Variants in KCNG3 observed in about 807,000 individuals in gnomAD.
KCNG3 encodes the protein voltage-gated potassium channel regulatory subunit KCNG3.
A neutral mutation model predicts 29.0 loss-of-function variants in KCNG3; 15 were observed. That is an observed-to-expected ratio of 0.52 (90% confidence interval 0.35 to 0.80). The LOEUF (loss-of-function observed/expected upper bound fraction) is 0.80, where lower values mean the gene tolerates loss of function less well. KCNG3 is among the 30% of genes least tolerant of loss of function. The probability of loss-of-function intolerance (pLI) is 0.01; values close to 1 mark genes in which losing one functional copy is unlikely to be tolerated. For missense variants in KCNG3, 512 were observed against 605.7 expected, an observed-to-expected ratio of 0.85 and a Z score of 1.62; for synonymous variants, 322 against 248.9, an observed-to-expected ratio of 1.29 and a Z score of -2.76.
chr2:42,481,421 C>G (rs1390570753), intron 1 of KCNG3, among the ~76,000 whole-genome samples: 1 of 152,140 alleles, frequency 6.6e-6, no homozygotes, highest in Non-Finnish European at 1.5e-5. Flanking sequence ...AAGAAACCCA[C>G]CCTGCATCTC....
At chr2:42,462,508 C>A (rs190554136) in intron 1 of KCNG3, among the ~76,000 whole-genome samples, 1 of 152,140 alleles carries the variant, frequency 6.6e-6, no homozygotes, top group Non-Finnish European at 1.5e-5. Flanking sequence ...ATGGTTAAAC[C>A]CCGTCTCTAC....
the KCNG3 span, among the ~76,000 whole-genome samples, chr2:42,389,678 C>T: frequency 6.6e-6 from 1 of 152,176 alleles, no homozygotes; most frequent in Non-Finnish European, 1.5e-5. Context: ...GACCATTGTG[C>T]ATTTGTCAAA....
In KCNG3 at chr2:42,464,101, G is replaced by C. The variant is rs544864213; in HGVS notation, c.666-19522C>G. The C allele has an allele frequency of 9.3e-4, 194 of 208,892 alleles. 2 individuals carry two copies. The highest frequency in any genetic ancestry group is 5.7e-3 in the Middle Eastern group (3 of 530). 12.9% of individuals were successfully genotyped at this position (208,892 alleles called of 1,614,324 possible). ...AAATGACATTTTGAAAAGCGAGGTA[G>C]TTCATTCTGATATCATTATTTGCTA... On this transcript the variant is annotated intron_variant, in intron 1 of 1. Coordinates refer to ENST00000306078, the MANE Select transcript of KCNG3 (RefSeq NM_133329.6).
chr2:42,449,844 C>A (rs77235445), intron 1 of KCNG3, among the ~76,000 whole-genome samples: 1,697 of 152,200 alleles, frequency 0.011, 25 homozygotes, highest in Non-Finnish European at 0.014. Context: ...TGCAGGAGCA[C>A]GCAGCAGTGA....
the KCNG3 span, among the ~76,000 whole-genome samples, chr2:42,408,980 C>T: frequency 6.6e-6 from 1 of 152,118 alleles, no homozygotes; most frequent in Non-Finnish European, 1.5e-5. Context: ...TGTGGTGGTA[C>T]CTGGTCCGGC....
the KCNG3 span, among the ~76,000 whole-genome samples, chr2:42,398,265 A>AAATAAAAT: frequency 5.1e-5 from 7 of 138,534 alleles, no homozygotes; most frequent in Non-Finnish European, 1.1e-4. Context: ...ATAAATAAAT[A>AAATAAAAT]AAATAAAATA....
At chr2:42,458,772 G>A (rs558162579) in intron 1 of KCNG3, among the ~76,000 whole-genome samples, 3 of 148,674 alleles carry the variant, frequency 2.0e-5, no homozygotes, top group East Asian at 4.0e-4. Context: ...TCAGAAAGAA[G>A]CAACATAGGA....
At position 42,444,309 on chromosome 2, in the gene KCNG3, G is replaced by A. The variant is rs138356596; in HGVS notation, c.936C>T (p.Leu312=). Reference sequence around the variant, plus strand: ...GGTAGCAACGTTTGAGAGTCAAACCGAGTGTCTGAAGACCAATGAAGTGAC... The same window carrying A: ...GGTAGCAACGTTTGAGAGTCAAACCAAGTGTCTGAAGACCAATGAAGTGAC... ...LARHFIGLQT[L]GLTLKRCYRE... is the part of the protein sequence containing the mutation. The change falls in exon 2 of 2, where the codon CTC becomes CTT. Residue 312 remains leucine (L), a synonymous_variant. Transcript: ENST00000306078. This position sits in a 1 kb window ranked among gnomAD's most constrained non-coding sequence, Gnocchi z 5.8. 162 of 1,614,200 alleles carry A rather than the reference G, an allele frequency of 1.0e-4. 1 individual carries two copies. In the African/African-American group the frequency reaches 1.9e-3, roughly 19 times the overall value.
Position 42,493,127 on chromosome 2 carries a change from G to T in KCNG3, c.375C>A (p.Thr125=). The change falls in exon 1 of 2, where the codon ACC becomes ACA. Residue 125 remains threonine (T), a synonymous_variant. Coordinates refer to ENST00000306078, the MANE Select transcript of KCNG3 (RefSeq NM_133329.6). ...RLDDRMSDTY[T]FYSADEPGVL... Reference sequence around the variant, plus strand: ...CGCCCGGCTCGTCGGCCGAGTAGAAGGTGTAGGTGTCGGACATGCGGTCGT... The same window carrying T: ...CGCCCGGCTCGTCGGCCGAGTAGAATGTGTAGGTGTCGGACATGCGGTCGT... The T allele has an allele frequency of 6.2e-7, 1 of 1,602,686 alleles. No individual in the cohort carries two copies.
intron 1 of KCNG3, among the ~76,000 whole-genome samples, chr2:42,453,875 T>C (rs1435041705): frequency 6.6e-6 from 1 of 152,208 alleles, no homozygotes; most frequent in Non-Finnish European, 1.5e-5. Context: ...CAGTTTGATT[T>C]GATTTTTTTA....
chr2:42,420,084 C>A, the KCNG3 span, among the ~76,000 whole-genome samples: 1 of 152,060 alleles, frequency 6.6e-6, no homozygotes, highest in South Asian at 2.1e-4. Flanking sequence ...ATTAGCCGGG[C>A]ATGGTGGCGG....
At chr2:42,466,883 G>C (rs920761990) in intron 1 of KCNG3, among the ~76,000 whole-genome samples, 1 of 151,440 alleles carries the variant, frequency 6.6e-6, no homozygotes, top group Admixed American at 6.6e-5. Flanking sequence ...CTCCCTAGTA[G>C]CTGGGATTAC....
At chr2:42,466,639 T>C (rs1310930255) in intron 1 of KCNG3, among the ~76,000 whole-genome samples, 3 of 152,072 alleles carry the variant, frequency 2.0e-5, no homozygotes, top group African/African-American at 7.2e-5. Flanking sequence ...TCTCCGGTCG[T>C]TATGCGACAC....
At chr2:42,389,508 T>G in the KCNG3 span, among the ~76,000 whole-genome samples, 14 of 152,342 alleles carry the variant, frequency 9.2e-5, no homozygotes, top group South Asian at 2.9e-3. Context: ...TTGGACCCAT[T>G]TATGCTCCCA....
the KCNG3 span, among the ~76,000 whole-genome samples, chr2:42,396,210 C>A: frequency 6.6e-6 from 1 of 152,086 alleles, no homozygotes; most frequent in African/African-American, 2.4e-5. Flanking sequence ...TGCATCATTG[C>A]AAATTCAAAA....
At chr2:42,426,793 G>A in the KCNG3 span, among the ~76,000 whole-genome samples, 2 of 152,194 alleles carry the variant, frequency 1.3e-5, no homozygotes, top group Admixed American at 6.5e-5. Flanking sequence ...GGAAAGAACA[G>A]TAACTGAAAA....
chr2:42,441,191 G>C (rs1672472842), downstream of KCNG3, among the ~76,000 whole-genome samples: 1 of 151,166 alleles, frequency 6.6e-6, no homozygotes, highest in South Asian at 2.1e-4. Context: ...GGCAAGCCTG[G>C]GCAACACAGT....
At chr2:42,441,169 C>T (rs148236679), downstream of KCNG3, among the ~76,000 whole-genome samples, 192 of 152,120 alleles carry the variant, frequency 1.3e-3, no homozygotes, top group East Asian at 9.1e-3. Context: ...CTGCTTGAGG[C>T]CAGGAGTTTG....
intron 1 of KCNG3, among the ~76,000 whole-genome samples, chr2:42,471,443 T>C (rs564758020): frequency 4.6e-5 from 7 of 152,020 alleles, no homozygotes; most frequent in Admixed American, 2.6e-4. Flanking sequence ...ATGTCCAGAA[T>C]AGGCAAATCC....
Sources: allele counts gnomAD v4.1 joint callset (sites outside exome capture counted in the v4.1 genomes callset), GRCh38; gene constraint gnomAD v4.1.1; non-coding constraint Gnocchi (gnomAD v3.1); transcripts MANE v1.5; gene names NCBI Gene and HGNC (gene_info 2026-07-23, HGNC 2026-07-21).